ZFPM2: variants seen among roughly 807,000 people sequenced by gnomAD.
ZFPM2 encodes the protein zinc finger protein, FOG family member 2.
Under a neutral mutation model 98.6 loss-of-function variants are expected in ZFPM2, and 20 were observed. The ratio of observed to expected loss-of-function variants is 0.20; its 90% confidence interval spans 0.14 to 0.29. The LOEUF (loss-of-function observed/expected upper bound fraction) is 0.29. Ranked by LOEUF, ZFPM2 falls within the 10% of genes least tolerant of loss-of-function variation. The pLI is 1.00. For missense variants in ZFPM2, 1,310 were observed against 1,388.6 expected (o/e 0.94, Z 0.90); for synonymous variants, 518 against 502.7 (o/e 1.03, Z -0.41).
intron 3 of ZFPM2, among the ~76,000 whole-genome samples, chr8:105,462,270 C>G (rs1483229266): frequency 2.6e-5 from 4 of 152,060 alleles, no homozygotes; most frequent in African/African-American, 4.8e-5. Context: ...CTCCAGAGCA[C>G]CTTGGCTCCA....
At chr8:105,791,519 A>T (rs1813610883) in intron 6 of ZFPM2, among the ~76,000 whole-genome samples, 1 of 151,912 alleles carries the variant, frequency 6.6e-6, no homozygotes. Context: ...TTTTTGCATC[A>T]ATGTTCATCA....
At chr8:105,800,885 C>A (rs930173104) in intron 7 of ZFPM2, among the ~76,000 whole-genome samples, 162 bp from the exon 8 acceptor site, 1 of 152,130 alleles carries the variant, frequency 6.6e-6, no homozygotes, top group African/African-American at 2.4e-5. Flanking sequence ...TATTATCATA[C>A]ACAGTAAGAG....
rs73700140 is a variant in ZFPM2 at position 105,740,786 on chromosome 8, A to T, written c.533-47932A>T. Among the ~76,000 whole-genome samples the T allele has an allele frequency of 3.7e-3, 560 of 152,118 alleles. 4 individuals are homozygous for T. Among genetic ancestry groups the T allele is most frequent in the African/African-American group, 0.013 (520 of 41,558 alleles). On this transcript the variant is annotated intron_variant, in intron 5 of 7. Transcript: ENST00000407775. ...AGTTTATACTCCAATAGGGAAAAGA[A>T]GATGATAAACAAATCAATGCATAAA... is the stretch of plus-strand genomic sequence containing the variant.
intron 3 of ZFPM2, among the ~76,000 whole-genome samples, chr8:105,448,800 C>A (rs1023340176): frequency 6.6e-6 from 1 of 152,012 alleles, no homozygotes. Flanking sequence ...CAGCACAGAA[C>A]TTGGGAGAGA....
At chr8:105,684,598 A>ATTGG (rs1237565257) in intron 5 of ZFPM2, among the ~76,000 whole-genome samples, 12 of 152,118 alleles carry the variant, frequency 7.9e-5, no homozygotes, top group Non-Finnish European at 1.5e-4. Context: ...ACCAAAGCTA[A>ATTGG]TTCCAAACAA....
chr8:105,707,327 T>C (rs1811288054), intron 5 of ZFPM2, among the ~76,000 whole-genome samples: 1 of 152,098 alleles, frequency 6.6e-6, no homozygotes, highest in African/African-American at 2.4e-5. Context: ...GGTGAGGCTC[T>C]ATGTAAAGGT....
chr8:105,478,496 A>T (rs1156297630), intron 3 of ZFPM2, among the ~76,000 whole-genome samples: 1 of 152,208 alleles, frequency 6.6e-6, no homozygotes, highest in Admixed American at 6.5e-5. Context: ...GGGTTAGCTA[A>T]ATTAATACAT....
intron 3 of ZFPM2, among the ~76,000 whole-genome samples, chr8:105,480,777 C>G (rs116409863): frequency 0.021 from 3,008 of 146,534 alleles, 98 homozygotes; most frequent in African/African-American, 0.072. Context: ...TTGAGACGGA[C>G]TTTTGCTCTG....
chr8:105,351,428 G>T (rs1398703801), intron 1 of ZFPM2, among the ~76,000 whole-genome samples: 2 of 151,232 alleles, frequency 1.3e-5, no homozygotes, highest in African/African-American at 4.9e-5. Flanking sequence ...ATGATTGATT[G>T]AATTCTGGGA....
At chr8:105,605,658 A>G (rs1050188461) in intron 4 of ZFPM2, among the ~76,000 whole-genome samples, 6 of 152,092 alleles carry the variant, frequency 3.9e-5, no homozygotes, top group African/African-American at 1.4e-4. Flanking sequence ...TTATCTAATG[A>G]GAGTAATATT....
chr8:105,359,274 C>T (rs1204341448), intron 1 of ZFPM2, among the ~76,000 whole-genome samples: 1 of 152,122 alleles, frequency 6.6e-6, no homozygotes, highest in Non-Finnish European at 1.5e-5. Flanking sequence ...CTGAGGCCTT[C>T]CCAGCCATGC....
At chr8:105,576,661 G>T (rs1337567611) in intron 4 of ZFPM2, among the ~76,000 whole-genome samples, 1 of 152,144 alleles carries the variant, frequency 6.6e-6, no homozygotes, top group East Asian at 1.9e-4. Flanking sequence ...AGATCTATTT[G>T]TATGTATTTG....
intron 5 of ZFPM2, among the ~76,000 whole-genome samples, chr8:105,689,499 G>A (rs1289457310): frequency 6.6e-6 from 1 of 151,948 alleles, no homozygotes; most frequent in Non-Finnish European, 1.5e-5. Flanking sequence ...TTTTTTTGTT[G>A]ATGGAAATAA....
At chr8:105,770,192 G>A (rs760579816) in intron 5 of ZFPM2, among the ~76,000 whole-genome samples, 3 of 151,824 alleles carry the variant, frequency 2.0e-5, no homozygotes, top group Non-Finnish European at 4.4e-5. Context: ...CTAACATATT[G>A]CCCTTAGCTT....
chr8:105,718,966 C>A (rs542403920), intron 5 of ZFPM2, among the ~76,000 whole-genome samples: 84 of 151,946 alleles, frequency 5.5e-4, no homozygotes, highest in Non-Finnish European at 1.1e-3. Flanking sequence ...CAGATTTAAG[C>A]CTCTAACTCA....
At chr8:105,485,772 C>T (rs537320067) in intron 3 of ZFPM2, among the ~76,000 whole-genome samples, 5 of 152,164 alleles carry the variant, frequency 3.3e-5, no homozygotes, top group Admixed American at 3.3e-4. Context: ...GGGAAAGGGA[C>T]TCTGTAGAAC....
In ZFPM2 at chr8:105,444,337, A is replaced by G. The variant is rs1812323822; in HGVS notation, c.257A>G (p.Lys86Arg). Residue 86 changes from lysine (K) to arginine (R), a missense_variant, in exon 3 of 8, where the codon AAA (lysine) becomes AGA (arginine). Coordinates refer to ENST00000407775, the MANE Select transcript of ZFPM2 (RefSeq NM_012082.4). ...TCAGATGGGGACACACAGTCAGAGA[A>G]ACCGGGGCAACCTGGAGTTGAGACA... ...AESDGDTQSE[K>R]PGQPGVETDD... The G allele has an allele frequency of 6.2e-7, 1 of 1,612,382 alleles. No individual in the cohort carries two copies. Among genetic ancestry groups the G allele is most frequent in the South Asian group, 1.1e-5 (1 of 90,468 alleles).
chr8:105,432,544 C>G (rs910625963), intron 2 of ZFPM2, among the ~76,000 whole-genome samples: 1 of 152,056 alleles, frequency 6.6e-6, no homozygotes, highest in African/African-American at 2.4e-5. Context: ...CGGAGGCCGA[C>G]AAACAGAAGG....
At chr8:105,409,953 G>A (rs1811543197) in intron 1 of ZFPM2, among the ~76,000 whole-genome samples, 1 of 151,826 alleles carries the variant, frequency 6.6e-6, no homozygotes, top group Non-Finnish European at 1.5e-5. Flanking sequence ...AGCCAATGAA[G>A]CCAGGCATCA....
Sources: gnomAD v4.1 joint callset for allele counts (sites outside exome capture counted in the v4.1 genomes callset) on GRCh38, gnomAD v4.1.1 for gene constraint, MANE v1.5 for transcripts, NCBI Gene and HGNC (gene_info 2026-07-23, HGNC 2026-07-21) for gene names.